Variants in ITGBL1 observed in about 807,000 individuals in gnomAD.
ITGBL1 encodes integrin subunit beta like 1.
Under a neutral mutation model 68.5 loss-of-function variants are expected in ITGBL1, and 51 were observed. The ratio of observed to expected loss-of-function variants is 0.74; its 90% CI spans 0.59 to 0.94. ITGBL1 has a LOEUF of 0.94. Among genes scored for constraint, ITGBL1 ranks in the 40% least tolerant of loss-of-function variants. The probability of loss-of-function intolerance (pLI) is 0.00; values close to 1 mark genes in which losing one functional copy is unlikely to be tolerated. For missense variants in ITGBL1, 649 were observed against 647.4 expected, an observed-to-expected ratio of 1.00 and a Z score of -0.03; for synonymous variants, 209 against 227.3, an observed-to-expected ratio of 0.92 and a Z score of 0.72.
At position 101,604,845 on chromosome 13, in the gene ITGBL1, AAT is replaced by A. The variant is rs1555361671; in HGVS notation, c.1015+6588_1015+6589del. 4.0e-3 allele frequency among the ~76,000 whole-genome samples: 116 copies of A among 29,350 alleles called. 4 individuals are homozygous for A. The highest frequency in any genetic ancestry group is 5.5e-3 in the African/African-American group (50 of 9,092). The allele number at this position is 29,350 out of a possible 152,430, so 19.3% of individuals were successfully genotyped here. On this transcript the variant is annotated intron_variant, in intron 7 of 10. Coordinates refer to ENST00000376180, the MANE Select transcript of ITGBL1 (RefSeq NM_004791.3). ...AGTTTGTCAGGGACCAGGTGAAGGCAATATATATATATATATATATATATATA... is the reference window on the plus strand; with the variant it reads ...AGTTTGTCAGGGACCAGGTGAAGGCAATATATATATATATATATATATATA...
intron 2 of ITGBL1, among the ~76,000 whole-genome samples, chr13:101,504,552 A>G (rs1016070233): frequency 6.6e-6 from 1 of 152,200 alleles, no homozygotes; most frequent in Non-Finnish European, 1.5e-5. Flanking sequence ...GCTATTATCC[A>G]TCCACAACTA....
rs529945182 is a variant in ITGBL1, at chr13:101,468,899, G to A, written c.316+14799G>A. Among the ~76,000 whole-genome samples the A allele has an allele frequency of 3.2e-4, 49 of 152,268 alleles. 3 individuals are homozygous for A. In the East Asian group the frequency reaches 3.7e-3, roughly 11 times the overall value. On this transcript the variant is annotated intron_variant, in intron 2 of 10. Coordinates refer to ENST00000376180, the MANE Select transcript of ITGBL1 (RefSeq NM_004791.3). Reference sequence around the variant, plus strand: ...AACATCAACCATATCCAAATAAGAAGGATCCTCCTGAGTCAGCCTTTGAAG... The same window carrying A: ...AACATCAACCATATCCAAATAAGAAAGATCCTCCTGAGTCAGCCTTTGAAG...
chr13:101,602,814 A>G (rs2030468838), intron 7 of ITGBL1, among the ~76,000 whole-genome samples: 2 of 152,074 alleles, frequency 1.3e-5, no homozygotes. Context: ...TACAAATGGA[A>G]TCATAAAATA....
At chr13:101,627,438 A>G (rs575140186) in intron 7 of ITGBL1, among the ~76,000 whole-genome samples, 1 of 152,178 alleles carries the variant, frequency 6.6e-6, no homozygotes, top group Non-Finnish European at 1.5e-5. Context: ...GTTACAAGTC[A>G]GGAACCTACA....
At chr13:101,482,285 AT>A (rs2139041432) in intron 2 of ITGBL1, among the ~76,000 whole-genome samples, 1 of 152,172 alleles carries the variant, frequency 6.6e-6, no homozygotes, top group East Asian at 1.9e-4. Context: ...GAGAAATAAA[AT>A]TATAGATTGC....
intron 2 of ITGBL1, among the ~76,000 whole-genome samples, chr13:101,556,592 A>G (rs2050010731): frequency 6.6e-6 from 1 of 152,134 alleles, no homozygotes; most frequent in South Asian, 2.1e-4. Context: ...AGATTGTGCC[A>G]TTGCACTCCA....
At chr13:101,475,113 C>T (rs11841974) in intron 2 of ITGBL1, among the ~76,000 whole-genome samples, 46 of 152,238 alleles carry the variant, frequency 3.0e-4, no homozygotes, top group African/African-American at 1.1e-3. Context: ...AGGGACCAAT[C>T]CTGGAGTGAC....
intron 2 of ITGBL1, among the ~76,000 whole-genome samples, chr13:101,542,957 A>G (rs1320890359): frequency 1.3e-5 from 2 of 152,082 alleles, no homozygotes; most frequent in East Asian, 3.9e-4. Context: ...GTGTCTCTAC[A>G]CGTGAGATGG....
At chr13:101,558,083 C>A (rs2050037713) in intron 2 of ITGBL1, among the ~76,000 whole-genome samples, 1 of 71,690 alleles carries the variant, frequency 1.4e-5, no homozygotes, top group Non-Finnish European at 2.5e-5. Flanking sequence ...AACTCCGTCT[C>A]AAAAAAAAAA....
downstream of ITGBL1, chr13:101,720,827 C>A (rs984935410): frequency 1.3e-5 from 2 of 152,032 alleles, no homozygotes; most frequent in African/African-American, 2.4e-5. Flanking sequence ...TGTAATTTAG[C>A]ATCATTGGCA....
At chr13:101,706,138 A>G (rs2034258895) in intron 8 of ITGBL1, among the ~76,000 whole-genome samples, 1 of 152,224 alleles carries the variant, frequency 6.6e-6, no homozygotes, top group South Asian at 2.1e-4. Context: ...AACATCTGAA[A>G]AACCAGGAAC....
intron 2 of ITGBL1, among the ~76,000 whole-genome samples, chr13:101,469,928 A>G (rs1354088180): frequency 6.6e-6 from 1 of 152,196 alleles, no homozygotes; most frequent in Non-Finnish European, 1.5e-5. Flanking sequence ...TTTCTCCGCT[A>G]TTGTTGCTGC....
At chr13:101,463,226 A>G (rs190978814) in intron 2 of ITGBL1, among the ~76,000 whole-genome samples, 8 of 152,160 alleles carry the variant, frequency 5.3e-5, no homozygotes, top group Middle Eastern at 3.4e-3. Flanking sequence ...TTTCCATGTT[A>G]TATCTTCCTC....
intron 7 of ITGBL1, among the ~76,000 whole-genome samples, chr13:101,637,491 G>C (rs560741779): frequency 9.2e-5 from 14 of 151,852 alleles, no homozygotes; most frequent in South Asian, 4.2e-4. Context: ...CTACAGGCAC[G>C]TGCCACCACA....
At chr13:101,457,064 T>C (rs1457412593) in intron 2 of ITGBL1, among the ~76,000 whole-genome samples, 3 of 152,196 alleles carry the variant, frequency 2.0e-5, no homozygotes, top group Admixed American at 1.3e-4. Flanking sequence ...ACCTAACTTA[T>C]AGAGCTGTTG....
intron 7 of ITGBL1, among the ~76,000 whole-genome samples, chr13:101,626,529 C>G (rs1489168450): frequency 1.3e-5 from 2 of 152,140 alleles, no homozygotes; most frequent in Non-Finnish European, 2.9e-5. Context: ...AAAGTACCAT[C>G]TACTCCAGGA....
In ITGBL1 at chr13:101,453,975, ACGGCCGGGGCC is replaced by A; in HGVS notation, c.192_202del (p.His64GlnfsTer13). 6.5e-7 allele frequency: 1 copy of A among 1,530,394 alleles called. No homozygotes were observed. The highest frequency in any genetic ancestry group is 2.0e-5 in the Admixed American group (1 of 49,176). The allele number at this position is 1,530,394 out of a possible 1,614,324, so 94.8% of individuals were successfully genotyped here. On this transcript the variant is annotated frameshift_variant, in exon 2 of 11. Transcript: ENST00000376180. LOFTEE classifies it high-confidence loss of function. ...CAGCCCCCGGGGGCCGCGCTGTGCC[ACGGCCGGGGCC>A]GCTGCGACTGCGGCGTCTGCATCTG...
At chr13:101,508,308 C>T (rs1437697200) in intron 2 of ITGBL1, among the ~76,000 whole-genome samples, 1 of 152,146 alleles carries the variant, frequency 6.6e-6, no homozygotes, top group Non-Finnish European at 1.5e-5. Flanking sequence ...AAAAGTTGTA[C>T]ATTTAGTTTC....
intron 2 of ITGBL1, among the ~76,000 whole-genome samples, chr13:101,554,585 T>C (rs1449371904): frequency 6.6e-6 from 1 of 152,192 alleles, no homozygotes; most frequent in Non-Finnish European, 1.5e-5. Context: ...CTGTGGAACA[T>C]TTGGTGGCCT....
Sources: gnomAD v4.1 joint callset for allele counts (sites outside exome capture counted in the v4.1 genomes callset) on GRCh38, gnomAD v4.1.1 for gene constraint, MANE v1.5 for transcripts, NCBI Gene and HGNC (gene_info 2026-07-23, HGNC 2026-07-21) for gene names.